Variants in DSCAM observed in about 807,000 individuals in gnomAD.
DSCAM encodes cell adhesion molecule DSCAM.
In DSCAM, 47 loss-of-function variants were observed where a neutral mutation model predicts 217.7. The ratio of observed to expected loss-of-function variants is 0.22; its 90% CI spans 0.17 to 0.28. DSCAM has a LOEUF of 0.28. Among genes scored for constraint, DSCAM ranks in the 10% least tolerant of loss-of-function variants. DSCAM has a pLI of 1.00. For synonymous variants in DSCAM, 1,056 were observed against 1,015.3 expected (o/e 1.04, Z -0.76); for missense variants, 2,080 against 2,618.3 (o/e 0.79, Z 4.49).
At chr21:40,720,115 C>A (rs1041074359) in intron 1 of DSCAM, among the ~76,000 whole-genome samples, 3 of 152,108 alleles carry the variant, frequency 2.0e-5, no homozygotes, top group South Asian at 2.1e-4. Context: ...CTAAAACAGG[C>A]TATCGAATTT....
intron 32 of DSCAM, among the ~76,000 whole-genome samples, chr21:40,028,782 A>G (rs2088453744): frequency 6.6e-6 from 1 of 152,172 alleles, no homozygotes; most frequent in Non-Finnish European, 1.5e-5. Flanking sequence ...GGAAATGCCG[A>G]GATCACCCGT....
intron 1 of DSCAM, among the ~76,000 whole-genome samples, chr21:40,793,048 T>C (rs2091660628): frequency 6.6e-6 from 1 of 152,250 alleles, no homozygotes; most frequent in South Asian, 2.1e-4. Context: ...CCTGAGACAT[T>C]TGCTTTTTTT....
At chr21:40,836,166 C>A (rs2092054155) in intron 1 of DSCAM, among the ~76,000 whole-genome samples, 1 of 152,146 alleles carries the variant, frequency 6.6e-6, no homozygotes, top group East Asian at 1.9e-4. Context: ...TAGAGTTACC[C>A]AAATGGTTTC....
intron 3 of DSCAM, among the ~76,000 whole-genome samples, chr21:40,661,951 A>T (rs528368438): frequency 1.5e-4 from 23 of 152,232 alleles, no homozygotes; most frequent in Non-Finnish European, 2.9e-4. Context: ...TGAGATTTTT[A>T]TGATTTAAAA....
At chr21:40,107,648 T>C (rs1371934191) in intron 20 of DSCAM, among the ~76,000 whole-genome samples, 1 of 152,160 alleles carries the variant, frequency 6.6e-6, no homozygotes. Context: ...GTCTCTTTGA[T>C]GGTCTCTAAG....
intron 1 of DSCAM, among the ~76,000 whole-genome samples, chr21:40,740,255 C>A (rs1029470487): frequency 3.3e-5 from 5 of 152,118 alleles, no homozygotes; most frequent in African/African-American, 9.7e-5. Flanking sequence ...TTGAGCCGTG[C>A]CAATCCAAGC....
In DSCAM at chr21:40,303,898, C is replaced by T. The variant is rs964207541; in HGVS notation, c.2063-7724G>A. Among the ~76,000 whole-genome samples, 11 of 152,122 alleles carry T rather than the reference C, an allele frequency of 7.2e-5. No homozygotes were observed. The South Asian group carries it at 8.3e-4, about 11-fold the overall frequency. On this transcript the variant is annotated intron_variant, in intron 9 of 32. Transcript: ENST00000400454. ...GAAGATATAAAAAAGTGTGAGAAAACGGCCCTCCTTTGGAATCACAGATAG... is the reference window on the plus strand; with the variant it reads ...GAAGATATAAAAAAGTGTGAGAAAATGGCCCTCCTTTGGAATCACAGATAG...
At chr21:40,098,148 ATAT>A (rs1185051844) in intron 20 of DSCAM, among the ~76,000 whole-genome samples, 1 of 152,126 alleles carries the variant, frequency 6.6e-6, no homozygotes, top group East Asian at 1.9e-4. Context: ...AAAGCAAAGG[ATAT>A]TACCAGTAAT....
At chr21:40,226,878 T>C (rs1409554968) in intron 11 of DSCAM, among the ~76,000 whole-genome samples, 4 of 152,210 alleles carry the variant, frequency 2.6e-5, no homozygotes, top group Admixed American at 2.6e-4. Flanking sequence ...TTAGTTACTT[T>C]TCCTGATTCT....
chr21:40,084,888 C>T lies in DSCAM; in HGVS notation c.4132+714G>A, dbSNP rs116488007. 3.4e-3 allele frequency among the ~76,000 whole-genome samples: 487 copies of T among 145,208 alleles called. 2 individuals are homozygous for T. Among genetic ancestry groups the T allele is most frequent in the African/African-American group, 0.012 (454 of 39,234 alleles). ...TTAGAAATATAGTTCTTTTCCTTTCCTTCCATCCCACCGAGAACAGTATTG... is the reference window on the plus strand; with the variant it reads ...TTAGAAATATAGTTCTTTTCCTTTCTTTCCATCCCACCGAGAACAGTATTG... On this transcript the variant is annotated intron_variant, in intron 23 of 32. Coordinates refer to ENST00000400454, the MANE Select transcript of DSCAM (RefSeq NM_001389.5).
chr21:40,314,381 A>G (rs958756606), intron 8 of DSCAM, among the ~76,000 whole-genome samples: 1 of 152,178 alleles, frequency 6.6e-6, no homozygotes, highest in Non-Finnish European at 1.5e-5. Flanking sequence ...TGGATTCTCC[A>G]TGTAAAGTTA....
intron 5 of DSCAM, 128 bp from the exon 6 acceptor site, chr21:40,348,073 A>G: frequency 5.0e-6 from 4 of 802,222 alleles, no homozygotes; most frequent in Non-Finnish European, 7.7e-6. Context: ...CCCATCAGCC[A>G]CATTATTGCA....
rs189623350 is a variant in DSCAM at position 40,049,571 on chromosome 21, A to G, written c.5185+2387T>C. Among the ~76,000 whole-genome samples, 651 of 152,154 alleles carry G rather than the reference A, an allele frequency of 4.3e-3. 6 individuals carry two copies. Among genetic ancestry groups the G allele is most frequent in the South Asian group, 0.012 (56 of 4,830 alleles). On this transcript the variant is annotated intron_variant, in intron 30 of 32. Transcript: ENST00000400454. Reference sequence around the variant, plus strand: ...CATGTCTAATGTCTGCCCCCTGACTAGGATGAAATGAATGTCTTTTTGCAT... The same window carrying G: ...CATGTCTAATGTCTGCCCCCTGACTGGGATGAAATGAATGTCTTTTTGCAT...
chr21:40,499,290 A>C (rs567443101), intron 3 of DSCAM, among the ~76,000 whole-genome samples: 1 of 152,338 alleles, frequency 6.6e-6, no homozygotes, highest in Non-Finnish European at 1.5e-5. Flanking sequence ...CTAGCTCAAC[A>C]ATACAAGTGA....
intron 11 of DSCAM, among the ~76,000 whole-genome samples, chr21:40,246,674 T>C (rs1234149093): frequency 6.6e-6 from 1 of 152,080 alleles, no homozygotes; most frequent in Non-Finnish European, 1.5e-5. Flanking sequence ...AGAACAGTGC[T>C]AGAAATCAGG....
At chr21:40,195,659 C>A (rs564848490) in intron 11 of DSCAM, among the ~76,000 whole-genome samples, 1 of 152,242 alleles carries the variant, frequency 6.6e-6, no homozygotes, top group South Asian at 2.1e-4. Context: ...GCATTCAGAG[C>A]AGATATGGCA....
intron 3 of DSCAM, among the ~76,000 whole-genome samples, chr21:40,525,175 C>T (rs1295435165): frequency 6.6e-6 from 1 of 152,106 alleles, no homozygotes; most frequent in East Asian, 1.9e-4. Flanking sequence ...TTTTTACATA[C>T]TGTTGAGTCC....
Position 40,085,637 on chromosome 21 carries a change from C to A in DSCAM, c.4097G>T (p.Gly1366Val). 6.3e-7 allele frequency: 1 copy of A among 1,581,178 alleles called. No individual in the cohort carries two copies. The highest frequency in any genetic ancestry group is 8.7e-7 in the Non-Finnish European group (1 of 1,154,824). Residue 1366 changes from glycine (G) to valine (V), a missense_variant, in exon 23 of 33, where the codon GGA (glycine) becomes GTA (valine). By Grantham distance (109) the Gly-to-Val change is moderately radical. Coordinates refer to ENST00000400454, the MANE Select transcript of DSCAM (RefSeq NM_001389.5). ...TAAGTTTAAAATAATTTCATCAGAT[C>A]CCCAGTTGTTATTGGCAATGCAGCT... is the stretch of plus-strand genomic sequence containing the variant. ...YYSCIANNNW[G>V]SDEIILNLQV...
At chr21:40,443,472 A>ATGGTGGTC (rs2145917436) in intron 3 of DSCAM, among the ~76,000 whole-genome samples, 1 of 152,274 alleles carries the variant, frequency 6.6e-6, no homozygotes, top group Admixed American at 6.5e-5. Flanking sequence ...GATTCCATTC[A>ATGGTGGTC]TGGTGGTCTG....
Sources: allele counts gnomAD v4.1 joint callset (sites outside exome capture counted in the v4.1 genomes callset), GRCh38; gene constraint gnomAD v4.1.1; transcripts MANE v1.5; gene names NCBI Gene and HGNC (gene_info 2026-07-23, HGNC 2026-07-21).